Variants in ANKFN1 observed in about 807,000 individuals in gnomAD.
The protein encoded by ANKFN1 is ankyrin repeat and fibronectin type-III domain-containing protein 1.
Under a neutral mutation model 108.7 loss-of-function variants are expected in ANKFN1, and 74 were observed. The observed-to-expected ratio is 0.68, with a 90% CI of 0.56 to 0.83. The LOEUF is 0.83. ANKFN1 is among the 40% of genes least tolerant of loss of function. The pLI, the probability that ANKFN1 is intolerant of heterozygous loss-of-function variation, is 0.00. For missense variants in ANKFN1, 1,505 were observed against 1,382.3 expected (o/e 1.09, Z -1.41); for synonymous variants, 547 against 516.2 (o/e 1.06, Z -0.81).
chr17:56,397,911 T>C (rs1486539518), intron 8 of ANKFN1, among the ~76,000 whole-genome samples: 4 of 152,042 alleles, frequency 2.6e-5, no homozygotes, highest in African/African-American at 4.8e-5. Context: ...AAATCAGCGG[T>C]TTTCAAACAT....
chr17:56,349,746 A>C (rs1170218878), intron 4 of ANKFN1, among the ~76,000 whole-genome samples: 1 of 152,174 alleles, frequency 6.6e-6, no homozygotes, highest in Non-Finnish European at 1.5e-5. Flanking sequence ...ATATACCCCA[A>C]AATGTGTATA....
intron 8 of ANKFN1, among the ~76,000 whole-genome samples, chr17:56,418,576 G>A (rs9899951): frequency 0.02 from 2,993 of 152,034 alleles, 89 homozygotes; most frequent in African/African-American, 0.067. Context: ...ATATATATGC[G>A]ATAATAATAA....
At chr17:56,367,959 G>A (rs575710121) in intron 6 of ANKFN1, 10 of 206,268 alleles carry the variant, frequency 4.8e-5, no homozygotes, top group African/African-American at 1.4e-4. Context: ...AAAATCCACC[G>A]AGTTCTTTAA....
intron 1 of ANKFN1, among the ~76,000 whole-genome samples, chr17:56,185,876 A>G (rs1275325822): frequency 2.0e-5 from 3 of 152,184 alleles, no homozygotes; most frequent in African/African-American, 7.2e-5. Context: ...CCAGAATTGT[A>G]TTTACCTCCT....
chr17:56,128,474 G>A (rs574953759), intron 4 of ANKFN1, among the ~76,000 whole-genome samples: 13 of 152,238 alleles, frequency 8.5e-5, no homozygotes, highest in Admixed American at 2.6e-4. Flanking sequence ...ATGTTCTTTC[G>A]TTGAGTATAG....
At chr17:56,167,316 C>CATATATATATAT (rs1469508922) in intron 1 of ANKFN1, among the ~76,000 whole-genome samples, 10 of 75,748 alleles carry the variant, frequency 1.3e-4, no homozygotes, top group African/African-American at 4.1e-4. Flanking sequence ...CACACACACA[C>CATATATATATAT]ACATATATAT....
At chr17:56,291,267 T>G (rs1055650482) in intron 3 of ANKFN1, among the ~76,000 whole-genome samples, 6 of 152,304 alleles carry the variant, frequency 3.9e-5, no homozygotes, top group African/African-American at 1.4e-4. Flanking sequence ...CTAAATTCCT[T>G]GTCTGGGATG....
chr17:56,088,487 C>T lies in ANKFN1; in HGVS notation c.288+42162C>T, dbSNP rs139780946. Among the ~76,000 whole-genome samples, 322 of 151,074 alleles carry T rather than the reference C, an allele frequency of 2.1e-3. 8 individuals carry two copies. The highest frequency in any genetic ancestry group is 5.4e-3 in the South Asian group (26 of 4,776). On this transcript the variant is annotated intron_variant, in intron 4 of 12. Coordinates refer to the ANKFN1 transcript ENST00000635860. ...GGCATTGGAAGCCCCCTGAGGCATC[C>T]GGTCACTTCTTCTAGCTGGTTTCTA...
At chr17:56,067,870 C>T (rs998378936) in intron 4 of ANKFN1, among the ~76,000 whole-genome samples, 3 of 152,090 alleles carry the variant, frequency 2.0e-5, no homozygotes, top group Admixed American at 2.0e-4. Context: ...TACAGTTTTC[C>T]TGGAAAGACC....
intron 11 of ANKFN1, among the ~76,000 whole-genome samples, chr17:56,456,614 T>C (rs1212884699): frequency 1.3e-5 from 2 of 151,914 alleles, no homozygotes; most frequent in Non-Finnish European, 2.9e-5. Flanking sequence ...GTCAGGCTGG[T>C]CTTGAACTCC....
chr17:56,294,227 G>A (rs2044446686), intron 3 of ANKFN1, among the ~76,000 whole-genome samples: 1 of 152,152 alleles, frequency 6.6e-6, no homozygotes, highest in Admixed American at 6.5e-5. Flanking sequence ...CTCTGTTTAG[G>A]GTTATCTGTG....
intron 4 of ANKFN1, among the ~76,000 whole-genome samples, chr17:56,080,950 C>T (rs532671225): frequency 6.6e-5 from 10 of 152,308 alleles, no homozygotes; most frequent in Admixed American, 5.2e-4. Flanking sequence ...TGCCCTCTGT[C>T]AAAGGGGGCT....
chr17:56,496,678 C>G (rs1389252723), intron 19 of ANKFN1, among the ~76,000 whole-genome samples: 1 of 152,198 alleles, frequency 6.6e-6, no homozygotes, highest in East Asian at 1.9e-4. Flanking sequence ...GAATTAGGAT[C>G]CACAGAGAAA....
chr17:56,073,054 G>A (rs955651632), intron 4 of ANKFN1, among the ~76,000 whole-genome samples: 2 of 151,400 alleles, frequency 1.3e-5, no homozygotes, highest in Non-Finnish European at 2.9e-5. Context: ...GTGCAGTGGC[G>A]GGATCTCGGC....
intron 8 of ANKFN1, among the ~76,000 whole-genome samples, chr17:56,404,175 G>C (rs1372631392): frequency 1.3e-5 from 2 of 152,120 alleles, no homozygotes; most frequent in East Asian, 3.9e-4. Context: ...TTTCCCAGGT[G>C]TTCTTTGTGC....
intron 1 of ANKFN1, among the ~76,000 whole-genome samples, chr17:56,163,035 C>CA (rs953983017): frequency 1.8e-3 from 183 of 104,284 alleles, no homozygotes; most frequent in South Asian, 3.5e-3. Context: ...GACTCCATCT[C>CA]AAAAAAAAAA....
intron 3 of ANKFN1, among the ~76,000 whole-genome samples, chr17:56,295,039 A>G (rs1223521465): frequency 6.6e-6 from 1 of 152,240 alleles, no homozygotes; most frequent in Non-Finnish European, 1.5e-5. Context: ...AAAGAAGCCA[A>G]TATCTTTTCC....
chr17:56,457,845 G>A lies in ANKFN1; in HGVS notation c.1441-18G>A, dbSNP rs762298865. ...TACTGGCTTGGACGATGACATGATTGCATGCCTTCTTTTGCAGCTGTCTTG... is the reference window on the plus strand; with the variant it reads ...TACTGGCTTGGACGATGACATGATTACATGCCTTCTTTTGCAGCTGTCTTG... On this transcript the variant is annotated intron_variant, in intron 13 of 20. Transcript: ENST00000682825. 3 of 1,581,796 alleles carry A rather than the reference G, an allele frequency of 1.9e-6. No homozygotes were observed. The highest frequency in any genetic ancestry group is 1.1e-5 in the South Asian group (1 of 90,124).
At position 56,498,901 on chromosome 17, in the gene ANKFN1, G is replaced by A. The variant is rs992853896; in HGVS notation, c.2447G>A (p.Arg816His). ...CCAAAGCAAATAGATGAAGTCTGGCGTGAAATGAGATGGATCATGGATGCT... is the reference window on the plus strand; with the variant it reads ...CCAAAGCAAATAGATGAAGTCTGGCATGAAATGAGATGGATCATGGATGCT... ...DFIQQIDEVW[R>H]EMRWIMDALQ... is the part of the protein sequence containing the mutation. The change falls in exon 20 of 21, where the codon CGT (arginine) becomes CAT (histidine). Residue 816 changes from arginine (R) to histidine (H), a missense_variant. Arg to His is a conservative substitution (Grantham distance 29). Transcript: ENST00000682825. 37 of 1,535,516 alleles carry A rather than the reference G, an allele frequency of 2.4e-5. No individual in the cohort carries two copies. Among genetic ancestry groups the A allele is most frequent in the Admixed American group, 1.4e-4 (7 of 50,968 alleles).
Sources: gnomAD v4.1 joint callset for allele counts (sites outside exome capture counted in the v4.1 genomes callset) on GRCh38, gnomAD v4.1.1 for gene constraint, MANE v1.5 for transcripts, NCBI Gene and HGNC (gene_info 2026-07-23, HGNC 2026-07-21) for gene names.